Variants in NRXN1 observed in about 807,000 individuals in gnomAD.
The protein encoded by NRXN1 is neurexin-1.
In NRXN1, 39 loss-of-function variants were observed where a neutral mutation model predicts 150.9. The ratio of observed to expected loss-of-function variants is 0.26; its 90% confidence interval spans 0.20 to 0.34. The LOEUF (loss-of-function observed/expected upper bound fraction) is 0.34. Among genes scored for constraint, NRXN1 ranks in the 10% least tolerant of loss-of-function variants. The pLI, the probability that NRXN1 is intolerant of heterozygous loss-of-function variation, is 1.00. For synonymous variants in NRXN1, 924 were observed against 757.0 expected (o/e 1.22, Z -3.62); for missense variants, 1,815 against 1,949.9 (o/e 0.93, Z 1.30).
At chr2:50,401,243 A>T (rs1572837326) in intron 17 of NRXN1, among the ~76,000 whole-genome samples, 2 of 152,278 alleles carry the variant, frequency 1.3e-5, no homozygotes, top group Middle Eastern at 3.4e-3. Flanking sequence ...AAATATTTTA[A>T]AATCTATACC....
At chr2:50,163,796 T>C (rs79633252) in intron 18 of NRXN1, among the ~76,000 whole-genome samples, 2,142 of 152,278 alleles carry the variant, frequency 0.014, 65 homozygotes, top group African/African-American at 0.049. Flanking sequence ...GAAAGTGAAT[T>C]ACCAATACTG....
rs898039770 is a variant in NRXN1, at chr2:50,623,729, T to G, written c.833-114A>C. On this transcript the variant is annotated intron_variant, in intron 5 of 22. Transcript: ENST00000401669. The stretch of plus-strand genomic sequence containing the variant: ...CCAAATTAACCTGCTTAATTAGATT[T>G]CATGACATGAACTCTGTCTCAGTCA... 4 of 713,528 alleles carry G rather than the reference T, an allele frequency of 5.6e-6. No homozygotes were observed. In the East Asian group the frequency reaches 1.1e-4, roughly 19 times the overall value. 44.2% of individuals were successfully genotyped at this position (713,528 alleles called of 1,614,324 possible).
chr2:49,919,579 G>A lies in NRXN1; in HGVS notation c.*2365C>T, dbSNP rs1174741541. The A allele has an allele frequency of 6.6e-6, 1 of 151,144 alleles. No individual in the cohort carries two copies. The highest frequency in any genetic ancestry group is 2.1e-4 in the South Asian group (1 of 4,796). 9.4% of individuals were successfully genotyped at this position (151,144 alleles called of 1,614,324 possible). A position where few individuals can be genotyped will look rare whatever the true frequency, so the allele number is the denominator to read the frequency against. ...AATCTTAAAAAAAAAAACCCTTCAA[G>A]CTGTAAATTAGTAGTTTTACACTTC... On this transcript the variant is annotated 3_prime_UTR_variant, in exon 23 of 23. Transcript: ENST00000401669.
intron 17 of NRXN1, among the ~76,000 whole-genome samples, chr2:50,250,568 T>G (rs1393006522): frequency 1.3e-5 from 2 of 152,092 alleles, no homozygotes; most frequent in African/African-American, 4.8e-5. Flanking sequence ...TCAAGGTCAG[T>G]GTTAAAAAGA....
At chr2:50,634,548 A>G (rs1276953063) in intron 5 of NRXN1, among the ~76,000 whole-genome samples, 1 of 152,200 alleles carries the variant, frequency 6.6e-6, no homozygotes, top group Non-Finnish European at 1.5e-5. Flanking sequence ...TATATGTTAT[A>G]TTTCTTCATC....
At position 50,701,312 on chromosome 2, in the gene NRXN1, T is replaced by C. The variant is rs139625397; in HGVS notation, c.833-77697A>G. ...AACTATTGTCATTATTATTATTATA[T>C]TGACTCTTCCAGAGTTGCTTTTGGC... On this transcript the variant is annotated intron_variant, in intron 5 of 22. Coordinates refer to ENST00000401669, the MANE Select transcript of NRXN1 (RefSeq NM_001330078.2). 2.0e-5 allele frequency among the ~76,000 whole-genome samples: 3 copies of C among 152,328 alleles called. No individual in the cohort carries two copies. In the East Asian group the frequency reaches 5.8e-4, roughly 29 times the overall value.
intron 21 of NRXN1, among the ~76,000 whole-genome samples, chr2:49,993,955 A>G (rs1425199314): frequency 6.6e-6 from 1 of 152,130 alleles, no homozygotes. Flanking sequence ...TTTCAAAATC[A>G]CATGCCCATC....
chr2:50,918,287 G>GC, intron 5 of NRXN1: 1 of 187,294 alleles, frequency 5.3e-6, no homozygotes, highest in Non-Finnish European at 1.1e-5. Context: ...TGAAACCACC[G>GC]CCCCCAAACA....
At chr2:50,761,354 T>A (rs1309405467) in intron 5 of NRXN1, among the ~76,000 whole-genome samples, 2 of 150,698 alleles carry the variant, frequency 1.3e-5, no homozygotes, top group African/African-American at 4.9e-5. Flanking sequence ...TGGGGGCGAG[T>A]TTTTCCTGGC....
chr2:50,796,980 G>A (rs564094880), intron 5 of NRXN1, among the ~76,000 whole-genome samples: 1 of 152,234 alleles, frequency 6.6e-6, no homozygotes, highest in South Asian at 2.1e-4. Context: ...CCAGAAGGGA[G>A]GACACTGTGT....
At chr2:50,501,131 G>A (rs115891186) in intron 13 of NRXN1, among the ~76,000 whole-genome samples, 1 of 152,262 alleles carries the variant, frequency 6.6e-6, no homozygotes, top group African/African-American at 2.4e-5. Flanking sequence ...TAGATTTGAA[G>A]AATTAAAAAG....
intron 17 of NRXN1, among the ~76,000 whole-genome samples, chr2:50,332,807 C>A (rs944438921): frequency 6.6e-6 from 1 of 152,122 alleles, no homozygotes. Context: ...TGAGTGTTTT[C>A]TTGGGTTGTA....
At chr2:49,938,266 GA>G (rs1452188115) in intron 22 of NRXN1, among the ~76,000 whole-genome samples, 3 of 152,160 alleles carry the variant, frequency 2.0e-5, no homozygotes, top group Non-Finnish European at 4.4e-5. Flanking sequence ...CTTTAGCTAT[GA>G]AAATGCTTCA....
At chr2:50,978,302 ATAT>A (rs1696235619) in intron 2 of NRXN1, among the ~76,000 whole-genome samples, 5 of 128,818 alleles carry the variant, frequency 3.9e-5, no homozygotes, top group East Asian at 2.3e-4. Context: ...ATATATATAT[ATAT>A]AAAATATATA....
intron 15 of NRXN1, among the ~76,000 whole-genome samples, chr2:50,484,260 C>A (rs1051421686): frequency 3.9e-5 from 6 of 152,112 alleles, no homozygotes; most frequent in Admixed American, 3.9e-4. Context: ...AGTATCTGAA[C>A]ATTTCTGTAT....
At chr2:50,954,697 C>T (rs78190906) in intron 2 of NRXN1, among the ~76,000 whole-genome samples, 4,183 of 152,246 alleles carry the variant, frequency 0.027, 226 homozygotes, top group African/African-American at 0.095. Flanking sequence ...GTCAGAGGGC[C>T]TGGCATGCAA....
chr2:50,690,510 G>A (rs1262763987), intron 5 of NRXN1, among the ~76,000 whole-genome samples: 1 of 152,114 alleles, frequency 6.6e-6, no homozygotes, highest in East Asian at 1.9e-4. Flanking sequence ...TGGTTGGTGG[G>A]AATAGAAAAA....
At chr2:50,348,415 A>T (rs185032656) in intron 17 of NRXN1, among the ~76,000 whole-genome samples, 25 of 152,302 alleles carry the variant, frequency 1.6e-4, no homozygotes, top group Admixed American at 1.2e-3. Context: ...AAGAAATGGC[A>T]TGAATAAAAT....
In NRXN1 at chr2:50,021,910, G is replaced by C. The variant is rs546632480; in HGVS notation, c.4128+31361C>G. 9.9e-5 allele frequency among the ~76,000 whole-genome samples: 15 copies of C among 152,226 alleles called. No individual in the cohort carries two copies. In the East Asian group the frequency reaches 2.7e-3, roughly 27 times the overall value. On this transcript the variant is annotated intron_variant, in intron 21 of 22. Coordinates refer to ENST00000401669, the MANE Select transcript of NRXN1 (RefSeq NM_001330078.2). ...CTGTAACCCACACTGGACTGCAGTG[G>C]CACGATCTCGGCTCACTGCAACCTC...
Sources: allele counts gnomAD v4.1 joint callset (sites outside exome capture counted in the v4.1 genomes callset), GRCh38; gene constraint gnomAD v4.1.1; transcripts MANE v1.5; gene names NCBI Gene and HGNC (gene_info 2026-07-23, HGNC 2026-07-21).